A1CF: variants seen among roughly 807,000 people sequenced by gnomAD.
The protein encoded by A1CF is APOBEC-1 stimulating protein.
In A1CF, 48 loss-of-function variants were observed where a neutral mutation model predicts 68.9. The ratio of observed to expected loss-of-function variants is 0.70; its 90% CI spans 0.55 to 0.89. The LOEUF is 0.89. Ranked by LOEUF, A1CF falls within the 40% of genes least tolerant of loss-of-function variation. The pLI, the probability that A1CF is intolerant of heterozygous loss-of-function variation, is 0.00. For missense variants in A1CF, 653 were observed against 718.9 expected, an observed-to-expected ratio of 0.91 and a Z score of 1.05; for synonymous variants, 272 against 260.4, an observed-to-expected ratio of 1.04 and a Z score of -0.43.
In A1CF at chr10:50,816,044, A is replaced by G. The variant is rs1206125424; in HGVS notation, c.1103T>C (p.Leu368Pro). Residue 368 changes from leucine (L) to proline (P), a missense_variant, in exon 9 of 13, where the codon CTC (leucine) becomes CCC (proline). Transcript: ENST00000373997. ...SLHFPATKGH[L>P]SNRAIIRAPS... is the part of the protein sequence containing the mutation. Reference sequence around the variant, plus strand: ...GGCTCGGATAATGGCTCTGTTGCTGAGATGTCCTTTGGTGGCTGGGAAATG... The same window carrying G: ...GGCTCGGATAATGGCTCTGTTGCTGGGATGTCCTTTGGTGGCTGGGAAATG... 1.2e-6 allele frequency: 2 copies of G among 1,613,722 alleles called. No homozygotes were observed. Among genetic ancestry groups the G allele is most frequent in the Non-Finnish European group, 1.7e-6 (2 of 1,179,788 alleles).
At chr10:50,847,601 C>T (rs960826020) in intron 3 of A1CF, among the ~76,000 whole-genome samples, 2 of 152,138 alleles carry the variant, frequency 1.3e-5, no homozygotes, top group South Asian at 2.1e-4. Context: ...GGCCACTGAG[C>T]GTTTGAACTT....
In A1CF at chr10:50,837,339, C is replaced by A. The variant is rs926994034; in HGVS notation, c.366-1027G>T. Among the ~76,000 whole-genome samples the A allele has an allele frequency of 1.7e-4, 26 of 152,134 alleles. 1 individual carries two copies. Among genetic ancestry groups the A allele is most frequent in the Admixed American group, 1.7e-3 (26 of 15,272 alleles). Reference sequence around the variant, plus strand: ...TCTTAGCAAGTTGAGGTATGTACACCTTCACTGGCAGAGTACACATGGATT... The same window carrying A: ...TCTTAGCAAGTTGAGGTATGTACACATTCACTGGCAGAGTACACATGGATT... On this transcript the variant is annotated intron_variant, in intron 5 of 12. Transcript: ENST00000373997.
intron 1 of A1CF, among the ~76,000 whole-genome samples, chr10:50,876,603 T>G (rs1208210771): frequency 6.6e-6 from 1 of 152,166 alleles, no homozygotes; most frequent in Non-Finnish European, 1.5e-5. Context: ...TCTTCGGACT[T>G]GAAATATTGG....
Position 50,805,768 on chromosome 10 carries a change from A to C in A1CF, c.*961T>G, listed in dbSNP as rs1314845104. The C allele has an allele frequency of 6.6e-6, 1 of 152,246 alleles. No individual in the cohort carries two copies. Among genetic ancestry groups the C allele is most frequent in the Non-Finnish European group, 1.5e-5 (1 of 68,042 alleles). 9.4% of individuals were successfully genotyped at this position (152,246 alleles called of 1,614,324 possible). A position where few individuals can be genotyped will look rare whatever the true frequency, so the allele number is the denominator to read the frequency against. Reference sequence around the variant, plus strand: ...GGTGGATACTGCAACAATATCAAAGAAATGAGAGCAAATCTGCACTTCTCT... The same window carrying C: ...GGTGGATACTGCAACAATATCAAAGCAATGAGAGCAAATCTGCACTTCTCT... On this transcript the variant is annotated 3_prime_UTR_variant, in exon 13 of 13. Transcript: ENST00000373997.
At chr10:50,834,083 T>C (rs1364023352) in intron 6 of A1CF, among the ~76,000 whole-genome samples, 1 of 152,154 alleles carries the variant, frequency 6.6e-6, no homozygotes, top group African/African-American at 2.4e-5. Flanking sequence ...GCTAGTCTGC[T>C]TGACTTAGAA....
rs757738821 is a variant in A1CF, at chr10:50,859,902, G to A, written c.39C>T (p.Gly13=). The change falls in exon 3 of 13, where the codon GGC becomes GGT. Residue 13 remains glycine, a synonymous_variant. Coordinates refer to ENST00000373997, the MANE Select transcript of A1CF (RefSeq NM_014576.4). Reference sequence around the variant, plus strand: ...CGCGGAGGGCTGCTTCCTTCTGAGTGCCGCTCAATCCATCCCCGGATTTGT... The same window carrying A: ...CGCGGAGGGCTGCTTCCTTCTGAGTACCGCTCAATCCATCCCCGGATTTGT... ...SNHKSGDGLS[G]TQKEAALRAL... 11 of 1,613,986 alleles carry A rather than the reference G, an allele frequency of 6.8e-6. No homozygotes were observed. The highest frequency in any genetic ancestry group is 1.7e-4 in the Middle Eastern group (1 of 6,056).
chr10:50,868,324 G>T (rs1245822542), intron 1 of A1CF, among the ~76,000 whole-genome samples: 1 of 152,116 alleles, frequency 6.6e-6, no homozygotes, highest in East Asian at 1.9e-4. Flanking sequence ...ATATTGCTTT[G>T]CATTGCTTGA....
At chr10:50,827,162 A>T (rs1195629713) in intron 7 of A1CF, among the ~76,000 whole-genome samples, 2 of 152,192 alleles carry the variant, frequency 1.3e-5, no homozygotes, top group African/African-American at 2.4e-5. Flanking sequence ...AAAGAGACTT[A>T]GACTCCCACA....
intron 1 of A1CF, among the ~76,000 whole-genome samples, chr10:50,878,395 C>T (rs1215612924): frequency 6.6e-6 from 1 of 152,188 alleles, no homozygotes; most frequent in Non-Finnish European, 1.5e-5. Context: ...AAGCACTTTA[C>T]AATTTCTGAT....
intron 1 of A1CF, among the ~76,000 whole-genome samples, chr10:50,868,510 G>A (rs1286336625): frequency 6.6e-6 from 1 of 151,936 alleles, no homozygotes; most frequent in Admixed American, 6.6e-5. Context: ...ATCACAAAAA[G>A]TCCCAATGTG....
At chr10:50,826,308 A>G (rs1473016116) in intron 7 of A1CF, among the ~76,000 whole-genome samples, 2 of 152,188 alleles carry the variant, frequency 1.3e-5, no homozygotes, top group Non-Finnish European at 2.9e-5. Flanking sequence ...TTTCTAATCC[A>G]AAGTTAGGAA....
chr10:50,814,170 A>T, intron 9 of A1CF, 132 bp from the exon 10 acceptor site: 3 of 910,116 alleles, frequency 3.3e-6, no homozygotes, highest in Non-Finnish European at 5.0e-6. Flanking sequence ...TGCCCTGAAG[A>T]TGGGTGGGAG....
At chr10:50,850,485 G>A (rs1389146296) in intron 3 of A1CF, among the ~76,000 whole-genome samples, 2 of 152,092 alleles carry the variant, frequency 1.3e-5, no homozygotes, top group Admixed American at 6.5e-5. Context: ...TATTGAATTT[G>A]AAAATAGACA....
chr10:50,876,241 A>C (rs1312408762), intron 1 of A1CF, among the ~76,000 whole-genome samples: 1 of 152,228 alleles, frequency 6.6e-6, no homozygotes, highest in Non-Finnish European at 1.5e-5. Context: ...GGGCCGAATA[A>C]ATTCTGAGAG....
At chr10:50,870,181 G>C (rs1235444919) in intron 1 of A1CF, among the ~76,000 whole-genome samples, 2 of 151,724 alleles carry the variant, frequency 1.3e-5, no homozygotes, top group Non-Finnish European at 3.0e-5. Flanking sequence ...ATTTTCTCTA[G>C]CTATTTTGAA....
chr10:50,870,982 C>A (rs528969388), intron 1 of A1CF, among the ~76,000 whole-genome samples: 1 of 151,680 alleles, frequency 6.6e-6, no homozygotes, highest in South Asian at 2.1e-4. Flanking sequence ...AAAGAAAACA[C>A]GTGATCATCA....
rs577815911 is a variant in A1CF at position 50,829,221 on chromosome 10, G to GTTGTT, written c.605-931_605-927dup. Among the ~76,000 whole-genome samples, 1,437 of 151,950 alleles carry GTTGTT rather than the reference G, an allele frequency of 9.5e-3. 13 individuals are homozygous for GTTGTT. The highest frequency in any genetic ancestry group is 0.041 in the Middle Eastern group (12 of 294). ...CTTAACCACCTCCCCCTTTTTTGTT[G>GTTGTT]TTGTTTTGTTTTGTTTTGTTTTTTG... On this transcript the variant is annotated intron_variant, in intron 6 of 12. Coordinates refer to ENST00000373997, the MANE Select transcript of A1CF (RefSeq NM_014576.4).
intron 1 of A1CF, among the ~76,000 whole-genome samples, chr10:50,865,277 A>ACTG (rs1014766788): frequency 6.7e-6 from 1 of 149,728 alleles, no homozygotes; most frequent in Non-Finnish European, 1.5e-5. Flanking sequence ...TCCTACTACT[A>ACTG]CTGCTGCTGC....
intron 9 of A1CF, among the ~76,000 whole-genome samples, chr10:50,814,587 G>A (rs1197667958): frequency 6.6e-6 from 1 of 152,126 alleles, no homozygotes; most frequent in African/African-American, 2.4e-5. Flanking sequence ...CTGATGTTCG[G>A]TCAATGTGAG....
Sources: allele counts gnomAD v4.1 joint callset (sites outside exome capture counted in the v4.1 genomes callset), GRCh38; gene constraint gnomAD v4.1.1; transcripts MANE v1.5; gene names NCBI Gene and HGNC (gene_info 2026-07-23, HGNC 2026-07-21).